The following XKR4 variants were observed in gnomAD, a reference collection of about 807,000 sequenced individuals.
XKR4 encodes XK-related protein 4.
Under a neutral mutation model 53.9 loss-of-function variants are expected in XKR4, and 12 were observed. The ratio of observed to expected loss-of-function variants is 0.22; its 90% CI spans 0.14 to 0.36. XKR4 has a LOEUF of 0.36. Ranked by LOEUF, XKR4 falls within the 10% of genes least tolerant of loss-of-function variation. XKR4 has a pLI of 1.00. For missense variants in XKR4, 799 were observed against 859.5 expected, an observed-to-expected ratio of 0.93 and a Z score of 0.88; for synonymous variants, 354 against 362.4, an observed-to-expected ratio of 0.98 and a Z score of 0.26.
chr8:55,345,797 G>T (rs1378796251), intron 1 of XKR4, among the ~76,000 whole-genome samples: 1 of 152,176 alleles, frequency 6.6e-6, no homozygotes, highest in East Asian at 1.9e-4. Flanking sequence ...ACAATGAAGA[G>T]TGGAGTGTGG....
At chr8:55,472,994 C>T (rs1805913382) in intron 2 of XKR4, among the ~76,000 whole-genome samples, 1 of 152,048 alleles carries the variant, frequency 6.6e-6, no homozygotes, top group Non-Finnish European at 1.5e-5. Context: ...ACTATGAATA[C>T]GATTACCCCA....
At chr8:55,142,165 G>A (rs966555183) in intron 1 of XKR4, 3 of 456,086 alleles carry the variant, frequency 6.6e-6, no homozygotes, top group Admixed American at 2.3e-5. Context: ...CCTCACTGCT[G>A]CTCTCCTGAG....
intron 2 of XKR4, among the ~76,000 whole-genome samples, chr8:55,392,957 T>A (rs1804463291): frequency 6.6e-6 from 1 of 152,032 alleles, no homozygotes; most frequent in South Asian, 2.1e-4. Flanking sequence ...CTGTAAGCAC[T>A]GAATGCAGGG....
At chr8:55,166,855 T>A (rs1236721123) in intron 1 of XKR4, among the ~76,000 whole-genome samples, 1 of 152,198 alleles carries the variant, frequency 6.6e-6, no homozygotes, top group Non-Finnish European at 1.5e-5. Context: ...AGAGCACAGA[T>A]TATCTTTTGC....
chr8:55,231,350 T>G (rs1346663414), intron 1 of XKR4, among the ~76,000 whole-genome samples: 1 of 152,266 alleles, frequency 6.6e-6, no homozygotes, highest in Non-Finnish European at 1.5e-5. Flanking sequence ...TCATACATAT[T>G]GCTTTAGTGT....
intron 2 of XKR4, among the ~76,000 whole-genome samples, chr8:55,369,973 T>C (rs2939683): frequency 0.079 from 12,065 of 152,188 alleles, 634 homozygotes; most frequent in South Asian, 0.12. Flanking sequence ...GGCAGGAGGA[T>C]TACTTGAGCC....
At position 55,344,050 on chromosome 8, in the gene XKR4, C is replaced by T. The variant is rs149429031; in HGVS notation, c.807-13628C>T. 1.5e-3 allele frequency among the ~76,000 whole-genome samples: 230 copies of T among 152,190 alleles called. 1 individual carries two copies. The highest frequency in any genetic ancestry group is 2.1e-3 in the Admixed American group (32 of 15,296). The stretch of plus-strand genomic sequence containing the variant: ...TGGCACTTTGCTGGTGAAATCAATC[C>T]CTGTGATGTGCACTGCTTCTGGACA... On this transcript the variant is annotated intron_variant, in intron 1 of 2. Coordinates refer to ENST00000327381, the MANE Select transcript of XKR4 (RefSeq NM_052898.2).
intron 1 of XKR4, among the ~76,000 whole-genome samples, chr8:55,263,115 G>C (rs1818551150): frequency 6.6e-6 from 1 of 152,160 alleles, no homozygotes; most frequent in Admixed American, 6.5e-5. Flanking sequence ...CCTGCCTTCA[G>C]TCTTGCCCCT....
At chr8:55,447,321 G>A (rs1318562316) in intron 2 of XKR4, among the ~76,000 whole-genome samples, 4 of 152,332 alleles carry the variant, frequency 2.6e-5, no homozygotes, top group South Asian at 4.1e-4. Context: ...CCAAATCCAT[G>A]CATCATTCCA....
At chr8:55,302,735 G>C (rs1471851165) in intron 1 of XKR4, among the ~76,000 whole-genome samples, 17 of 152,160 alleles carry the variant, frequency 1.1e-4, no homozygotes, top group Non-Finnish European at 2.1e-4. Flanking sequence ...TGGATTCCTA[G>C]GTATTTTATT....
intron 1 of XKR4, among the ~76,000 whole-genome samples, 165 bp downstream of exon 1, chr8:55,103,459 G>T (rs150343025): frequency 1.6e-3 from 246 of 152,124 alleles, no homozygotes; most frequent in African/African-American, 5.7e-3. Context: ...TTTAAAATTT[G>T]CAATCTCAGT....
chr8:55,340,902 G>T (rs753331540), intron 1 of XKR4, among the ~76,000 whole-genome samples: 2 of 152,180 alleles, frequency 1.3e-5, no homozygotes, highest in Non-Finnish European at 2.9e-5. Flanking sequence ...ATGTGTCACC[G>T]CGCAGAGATA....
intron 1 of XKR4, among the ~76,000 whole-genome samples, chr8:55,220,205 TTAAAAA>T (rs1817862954): frequency 6.6e-6 from 1 of 152,066 alleles, no homozygotes; most frequent in African/African-American, 2.4e-5. Flanking sequence ...TATTTATCAA[TTAAAAA>T]TAAATAATTT....
At chr8:55,155,843 C>T (rs769093430) in intron 1 of XKR4, among the ~76,000 whole-genome samples, 28 of 152,160 alleles carry the variant, frequency 1.8e-4, no homozygotes, top group Non-Finnish European at 3.2e-4. Context: ...TAACAGGAAA[C>T]AGCAGAGATA....
In XKR4 at chr8:55,186,516, C is replaced by A. The variant is rs537458055; in HGVS notation, c.806+83222C>A. 5.5e-4 allele frequency among the ~76,000 whole-genome samples: 84 copies of A among 151,984 alleles called. 3 individuals are homozygous for A. In the South Asian group the frequency reaches 0.016, roughly 29 times the overall value. On this transcript the variant is annotated intron_variant, in intron 1 of 2. Coordinates refer to ENST00000327381, the MANE Select transcript of XKR4 (RefSeq NM_052898.2). Reference sequence around the variant, plus strand: ...TAAAAATAAAAAAAAAATAGCCGGGCATGGTGGCAGGCGCTTGTAGCCCCA... The same window carrying A: ...TAAAAATAAAAAAAAAATAGCCGGGAATGGTGGCAGGCGCTTGTAGCCCCA...
intron 2 of XKR4, among the ~76,000 whole-genome samples, chr8:55,378,024 G>A (rs546523039): frequency 5.9e-4 from 90 of 152,280 alleles, no homozygotes; most frequent in Non-Finnish European, 1.2e-3. Context: ...TCTTCATCGG[G>A]GGAATAGAAA....
At position 55,279,833 on chromosome 8, in the gene XKR4, G is replaced by T. The variant is rs910989978; in HGVS notation, c.807-77845G>T. On this transcript the variant is annotated intron_variant, in intron 1 of 2. Transcript: ENST00000327381. ...ATATCTCTTAGAGACCAGCAGAGAT[G>T]ACTAGGTATGAGTGCAATAGATGTG... 3.3e-5 allele frequency among the ~76,000 whole-genome samples: 5 copies of T among 152,276 alleles called. No individual in the cohort carries two copies. The South Asian group carries it at 1.0e-3, about 32-fold the overall frequency.
At chr8:55,284,703 A>T (rs976217416) in intron 1 of XKR4, among the ~76,000 whole-genome samples, 4 of 151,994 alleles carry the variant, frequency 2.6e-5, no homozygotes, top group African/African-American at 9.7e-5. Flanking sequence ...TGTGACACAC[A>T]CCCTGAGCCT....
intron 2 of XKR4, among the ~76,000 whole-genome samples, chr8:55,514,267 T>TC (rs1806678142): frequency 2.7e-5 from 4 of 149,870 alleles, no homozygotes; most frequent in Non-Finnish European, 5.9e-5. Flanking sequence ...TTTTTTTTTT[T>TC]TTGAGAAGGA....
Sources: gnomAD v4.1 joint callset for allele counts (sites outside exome capture counted in the v4.1 genomes callset) on GRCh38, gnomAD v4.1.1 for gene constraint, MANE v1.5 for transcripts, NCBI Gene and HGNC (gene_info 2026-07-23, HGNC 2026-07-21) for gene names.